RPS6KA2: variants seen among roughly 807,000 people sequenced by gnomAD.
RPS6KA2 encodes ribosomal protein S6 kinase alpha-2.
RPS6KA2 carries 42 observed loss-of-function variants against 91.8 expected under a neutral mutation model. That is an observed-to-expected ratio of 0.46 (90% CI 0.36 to 0.59). The LOEUF (loss-of-function observed/expected upper bound fraction) is 0.59, where lower values mean the gene tolerates loss of function less well. Among genes scored for constraint, RPS6KA2 ranks in the 20% least tolerant of loss-of-function variants. RPS6KA2 has a pLI of 0.00. For missense variants in RPS6KA2, 798 were observed against 978.5 expected, an observed-to-expected ratio of 0.82 and a Z score of 2.46; for synonymous variants, 414 against 393.6, an observed-to-expected ratio of 1.05 and a Z score of -0.61.
intron 2 of RPS6KA2, among the ~76,000 whole-genome samples, chr6:166,667,955 G>C (rs1398905262): frequency 6.6e-6 from 1 of 152,216 alleles, no homozygotes; most frequent in African/African-American, 2.4e-5. Flanking sequence ...TAAAGACACA[G>C]ATGCCAGAGG....
chr6:166,777,898 G>A (rs977271304), intron 2 of RPS6KA2, among the ~76,000 whole-genome samples: 1 of 152,174 alleles, frequency 6.6e-6, no homozygotes, highest in Admixed American at 6.5e-5. Context: ...CTAAAAAAAT[G>A]TGTAATGTCT....
At chr6:166,683,024 T>G (rs143572417) in intron 2 of RPS6KA2, among the ~76,000 whole-genome samples, 2 of 152,320 alleles carry the variant, frequency 1.3e-5, no homozygotes, top group Non-Finnish European at 2.9e-5. Context: ...TACCAGCTGA[T>G]GGACGTCAGA....
chr6:166,492,508 T>A (rs555470540), intron 8 of RPS6KA2, among the ~76,000 whole-genome samples: 2 of 152,330 alleles, frequency 1.3e-5, no homozygotes, highest in East Asian at 3.9e-4. Context: ...CTGCTCTTTC[T>A]TCTTTCTTTC....
chr6:166,476,168 G>A (rs768133859), intron 10 of RPS6KA2, among the ~76,000 whole-genome samples: 3 of 152,204 alleles, frequency 2.0e-5, no homozygotes, highest in East Asian at 1.9e-4. Flanking sequence ...AGATGGAGGC[G>A]GAGGTCAGGG....
At chr6:166,436,192 C>T (rs1383598581) in intron 14 of RPS6KA2, among the ~76,000 whole-genome samples, 3 of 152,074 alleles carry the variant, frequency 2.0e-5, no homozygotes, top group Non-Finnish European at 2.9e-5. Context: ...TGACCTGCCA[C>T]GTTTACAGCC....
intron 1 of RPS6KA2, among the ~76,000 whole-genome samples, chr6:166,614,701 C>T (rs967133930): frequency 5.9e-5 from 9 of 152,206 alleles, no homozygotes; most frequent in African/African-American, 1.9e-4. Context: ...CCGGTCCCTC[C>T]GGTGACTCCA....
intron 2 of RPS6KA2, chr6:166,700,992 CT>C (rs1160085002): frequency 1.1e-6 from 1 of 916,064 alleles, no homozygotes; most frequent in Non-Finnish European, 1.8e-6. Context: ...TAGGTAAAAA[CT>C]TGTGCATGTG....
At position 166,635,937 on chromosome 6, in the gene RPS6KA2, T is replaced by G. The variant is rs989643674; in HGVS notation, c.124-97153A>C. On this transcript the variant is annotated intron_variant, in intron 2 of 21. Coordinates refer to the RPS6KA2 transcript ENST00000503859. This position sits in a 1 kb window ranked among gnomAD's most constrained non-coding sequence, Gnocchi z 4.8. ...CCTACTCTAGACCAGGGTGGTCACC[T>G]GCTAGCTTGGCCGCCCATGGCCATT... Among the ~76,000 whole-genome samples, 2 of 152,230 alleles carry G rather than the reference T, an allele frequency of 1.3e-5. No individual in the cohort carries two copies. Among genetic ancestry groups the G allele is most frequent in the Non-Finnish European group, 2.9e-5 (2 of 68,034 alleles).
intron 14 of RPS6KA2, among the ~76,000 whole-genome samples, chr6:166,438,828 C>A (rs1251343998): frequency 6.6e-6 from 1 of 152,228 alleles, no homozygotes; most frequent in African/African-American, 2.4e-5. Flanking sequence ...GTCATTGACA[C>A]AATTCCTAAA....
intron 5 of RPS6KA2, among the ~76,000 whole-genome samples, chr6:166,506,068 T>C (rs1373991675): frequency 2.0e-5 from 3 of 152,072 alleles, no homozygotes; most frequent in African/African-American, 7.3e-5. Context: ...ACAGCGATGG[T>C]CCCCGTAAGA....
At chr6:166,576,951 T>G (rs367861241) in intron 1 of RPS6KA2, among the ~76,000 whole-genome samples, 10,279 of 152,218 alleles carry the variant, frequency 0.068, 669 homozygotes, top group South Asian at 0.24. Context: ...CAGAGCTGTG[T>G]GCAGCCTAGG....
At chr6:166,546,081 C>G (rs1583265565) in intron 1 of RPS6KA2, among the ~76,000 whole-genome samples, 1 of 152,184 alleles carries the variant, frequency 6.6e-6, no homozygotes, top group East Asian at 1.9e-4. Flanking sequence ...TTAGGTATGG[C>G]TCCGTGACCC....
chr6:166,440,327 G>A (rs2205866), intron 14 of RPS6KA2: 64,882 of 151,984 alleles, frequency 0.43, 16,264 homozygotes, highest in Non-Finnish European at 0.57. Flanking sequence ...GTCCTCCGCC[G>A]CATGCCTGCT....
intron 11 of RPS6KA2, among the ~76,000 whole-genome samples, chr6:166,468,053 A>AC (rs1780609095): frequency 6.6e-6 from 1 of 152,258 alleles, no homozygotes; most frequent in African/African-American, 2.4e-5. Context: ...CCACAGGCTG[A>AC]CACCCAGGTC....
chr6:166,645,322 C>T (rs1395237493), intron 2 of RPS6KA2, among the ~76,000 whole-genome samples: 3 of 152,196 alleles, frequency 2.0e-5, no homozygotes, highest in East Asian at 1.9e-4. Context: ...AGAGGCACAA[C>T]GTTAGTTTTT....
intron 1 of RPS6KA2, among the ~76,000 whole-genome samples, chr6:166,598,522 GAGA>G (rs1233419498): frequency 2.0e-5 from 3 of 152,196 alleles, no homozygotes; most frequent in Non-Finnish European, 2.9e-5. Context: ...ATTCTGGATG[GAGA>G]AGTTGGAATC....
At chr6:166,583,950 C>T (rs9459698) in intron 1 of RPS6KA2, among the ~76,000 whole-genome samples, 7,081 of 152,260 alleles carry the variant, frequency 0.047, 572 homozygotes, top group African/African-American at 0.16. Flanking sequence ...GTGATAGTGA[C>T]CCTCTAAGGG....
In RPS6KA2 at chr6:166,418,188, C is replaced by T. The variant is rs762430703; in HGVS notation, c.1938+37G>A. The T allele has an allele frequency of 3.2e-5, 43 of 1,357,410 alleles. No homozygotes were observed. The highest frequency in any genetic ancestry group is 4.3e-5 in the Non-Finnish European group (41 of 956,130). The allele number at this position is 1,357,410 out of a possible 1,614,324, so 84.1% of individuals were successfully genotyped here. A position where few individuals can be genotyped will look rare whatever the true frequency, so the allele number is the denominator to read the frequency against. ...AGAAATCATATGGCTATTTCAGAATCTGAATATTTAAAAGCAACGCTGGGA... is the reference window on the plus strand; with the variant it reads ...AGAAATCATATGGCTATTTCAGAATTTGAATATTTAAAAGCAACGCTGGGA... On this transcript the variant is annotated intron_variant, in intron 19 of 20. Transcript: ENST00000265678. This position sits in a 1 kb window ranked among gnomAD's most constrained non-coding sequence, Gnocchi z 4.9.
At chr6:166,546,314 T>A (rs973484816) in intron 1 of RPS6KA2, among the ~76,000 whole-genome samples, 2 of 152,064 alleles carry the variant, frequency 1.3e-5, no homozygotes, top group Admixed American at 6.5e-5. Flanking sequence ...CCATTTCCGG[T>A]CTGGGCAGTG....
Sources: gnomAD v4.1 joint callset for allele counts (sites outside exome capture counted in the v4.1 genomes callset) on GRCh38, gnomAD v4.1.1 for gene constraint, Gnocchi (gnomAD v3.1) non-coding constraint, MANE v1.5 for transcripts, NCBI Gene and HGNC (gene_info 2026-07-23, HGNC 2026-07-21) for gene names.